The following RB1 variants were observed in gnomAD, a reference collection of about 807,000 sequenced individuals.
The protein encoded by RB1 is retinoblastoma-associated protein.
Under a neutral mutation model 135.4 loss-of-function variants are expected in RB1, and 18 were observed. The ratio of observed to expected loss-of-function variants is 0.13; its 90% CI spans 0.09 to 0.20. The LOEUF (loss-of-function observed/expected upper bound fraction) is 0.20. RB1 is among the 10% of genes least tolerant of loss of function. The probability of loss-of-function intolerance (pLI) is 1.00; values close to 1 mark genes in which losing one functional copy is unlikely to be tolerated. For synonymous variants in RB1, 365 were observed against 373.2 expected, an observed-to-expected ratio of 0.98 and a Z score of 0.25; for missense variants, 868 against 1,110.0, an observed-to-expected ratio of 0.78 and a Z score of 3.10.
At chr13:48,344,677 G>T (rs182639542) in intron 3 of RB1, among the ~76,000 whole-genome samples, 3 of 152,084 alleles carry the variant, frequency 2.0e-5, no homozygotes, top group Non-Finnish European at 2.9e-5. Flanking sequence ...AACTGAGGAT[G>T]AATGGGTTCC....
At chr13:48,417,249 G>A (rs1021355053) in intron 17 of RB1, 2 of 153,290 alleles carry the variant, frequency 1.3e-5, no homozygotes, top group African/African-American at 4.8e-5. Flanking sequence ...AATCTTTGTT[G>A]TTCTGCAACC....
rs1350821464 is a variant in RB1, at chr13:48,453,039, G to T, written c.1742G>T (p.Gly581Val). 5 of 1,613,126 alleles carry T rather than the reference G, an allele frequency of 3.1e-6. No individual in the cohort carries two copies. Among genetic ancestry groups the T allele is most frequent in the Non-Finnish European group, 4.2e-6 (5 of 1,179,652 alleles). ...ATTAAACAATCAAAGGACCGAGAAG[G>T]ACCAACTGATCACCTTGAATCTGCT... ...DLIKQSKDRE[G>V]PTDHLESACP... The change falls in exon 18 of 27, where the codon GGA (glycine) becomes GTA (valine). Residue 581 changes from glycine to valine, a missense_variant. Gly to Val is a moderately radical substitution (Grantham distance 109, BLOSUM62 -3). Coordinates refer to ENST00000267163, the MANE Select transcript of RB1 (RefSeq NM_000321.3).
chr13:48,318,527 G>T, intron 2 of RB1: 2 of 901,468 alleles, frequency 2.2e-6, no homozygotes, highest in Non-Finnish European at 3.4e-6. Flanking sequence ...CGGGCCCCTT[G>T]GCTGCGCCCT....
chr13:48,349,905 G>A (rs536354257), intron 6 of RB1, among the ~76,000 whole-genome samples: 1 of 152,082 alleles, frequency 6.6e-6, no homozygotes, highest in African/African-American at 2.4e-5. Flanking sequence ...ACTTATATCA[G>A]ACAAAATAGA....
chr13:48,347,919 AAT>A (rs1952512729), intron 5 of RB1, 56 bp downstream of exon 5: 2 of 1,301,344 alleles, frequency 1.5e-6, no homozygotes. Flanking sequence ...TTTATGGAAT[AAT>A]CTCAAACATC....
At chr13:48,370,243 G>A (rs951687394) in intron 11 of RB1, among the ~76,000 whole-genome samples, 3 of 152,052 alleles carry the variant, frequency 2.0e-5, no homozygotes, top group Non-Finnish European at 4.4e-5. Context: ...TCACACCACC[G>A]ACAACAATCA....
At chr13:48,446,712 A>G (rs922634955) in intron 17 of RB1, among the ~76,000 whole-genome samples, 1 of 152,206 alleles carries the variant, frequency 6.6e-6, no homozygotes, top group African/African-American at 2.4e-5. Flanking sequence ...CAGCAAGTAC[A>G]AAAACCCAGA....
chr13:48,386,965 G>C (rs1948575652), intron 17 of RB1, among the ~76,000 whole-genome samples: 2 of 152,162 alleles, frequency 1.3e-5, no homozygotes, highest in African/African-American at 4.8e-5. Context: ...ATTGTTTCCA[G>C]TTCCGCCCTG....
At chr13:48,430,472 G>A (rs1949117663) in intron 17 of RB1, among the ~76,000 whole-genome samples, 1 of 152,130 alleles carries the variant, frequency 6.6e-6, no homozygotes, top group African/African-American at 2.4e-5. Flanking sequence ...CAGGCACTGT[G>A]GCTCATGCCT....
At chr13:48,397,059 A>T (rs1394681952) in intron 17 of RB1, among the ~76,000 whole-genome samples, 3 of 152,242 alleles carry the variant, frequency 2.0e-5, no homozygotes, top group Non-Finnish European at 4.4e-5. Flanking sequence ...AGTGTAAATT[A>T]GTTCAACCAT....
intron 23 of RB1, among the ~76,000 whole-genome samples, chr13:48,466,685 A>T (rs1434071185): frequency 2.5e-5 from 3 of 119,320 alleles, no homozygotes; most frequent in Non-Finnish European, 3.6e-5. Flanking sequence ...ATATATAACT[A>T]GAATAACCAA....
intron 24 of RB1, among the ~76,000 whole-genome samples, chr13:48,474,439 A>C (rs1184317344): frequency 6.6e-6 from 1 of 152,190 alleles, no homozygotes; most frequent in Non-Finnish European, 1.5e-5. Flanking sequence ...AGGGACAAAG[A>C]CCAAATATCT....
chr13:48,316,879 C>A, intron 2 of RB1: 1 of 330,224 alleles, frequency 3.0e-6, no homozygotes, highest in South Asian at 4.9e-5. Context: ...GCTGAGCTGC[C>A]GCCACTGTCC....
At chr13:48,452,494 A>G (rs1279202488) in intron 17 of RB1, among the ~76,000 whole-genome samples, 2 of 152,098 alleles carry the variant, frequency 1.3e-5, no homozygotes, top group Non-Finnish European at 2.9e-5. Flanking sequence ...AATTATTCAT[A>G]ATAATTCCCT....
intron 12 of RB1, among the ~76,000 whole-genome samples, chr13:48,374,811 T>C (rs1952802097): frequency 6.6e-6 from 1 of 152,126 alleles, no homozygotes; most frequent in South Asian, 2.1e-4. Context: ...ACTTGGAAAC[T>C]ATATGATCTT....
In RB1 at chr13:48,400,596, G is replaced by A. The variant is rs1419145154; in HGVS notation, c.1695+19153G>A. On this transcript the variant is annotated intron_variant, in intron 17 of 26. Coordinates refer to ENST00000267163, the MANE Select transcript of RB1 (RefSeq NM_000321.3). ...CGGATCTTACTTAATATTCACAGAA[G>A]CCTGGAAGTGTAAACACTGCTATCC... Among the ~76,000 whole-genome samples the A allele has an allele frequency of 3.9e-5, 6 of 152,082 alleles. No individual in the cohort carries two copies. The East Asian group carries it at 1.2e-3, about 29-fold the overall frequency.
intron 2 of RB1, among the ~76,000 whole-genome samples, chr13:48,314,045 G>A (rs1952158330): frequency 1.3e-5 from 2 of 152,068 alleles, no homozygotes; most frequent in Admixed American, 1.3e-4. Context: ...ACCGCGCCTG[G>A]CCGTATGTTT....
intron 17 of RB1, among the ~76,000 whole-genome samples, chr13:48,426,146 A>G (rs1218765092): frequency 6.6e-6 from 1 of 152,232 alleles, no homozygotes; most frequent in East Asian, 1.9e-4. Flanking sequence ...TAAGATGGAT[A>G]TGACATGCCC....
At chr13:48,373,317 A>G in intron 11 of RB1, 88 bp from the exon 12 acceptor site, 2 of 821,452 alleles carry the variant, frequency 2.4e-6, no homozygotes, top group Non-Finnish European at 4.3e-6. Context: ...TTGAAGATAC[A>G]TTTAACTTGG....
Sources: gnomAD v4.1 joint callset for allele counts (sites outside exome capture counted in the v4.1 genomes callset) on GRCh38, gnomAD v4.1.1 for gene constraint, MANE v1.5 for transcripts, NCBI Gene and HGNC (gene_info 2026-07-23, HGNC 2026-07-21) for gene names.